The following ACOT12 variants were observed in gnomAD, a reference collection of about 807,000 sequenced individuals.
The protein encoded by ACOT12 is acetyl-coenzyme A thioesterase.
ACOT12 carries 51 observed loss-of-function variants against 67.7 expected under a neutral mutation model. The observed-to-expected ratio is 0.75, with a 90% CI of 0.60 to 0.95. ACOT12 has a LOEUF of 0.95. ACOT12 is among the 40% of genes least tolerant of loss of function. The pLI is 0.00. For synonymous variants in ACOT12, 251 were observed against 244.6 expected, an observed-to-expected ratio of 1.03 and a Z score of -0.24; for missense variants, 734 against 708.1, an observed-to-expected ratio of 1.04 and a Z score of -0.41.
chr5:81,341,909 C>T (rs530366306), intron 11 of ACOT12, among the ~76,000 whole-genome samples: 3 of 152,228 alleles, frequency 2.0e-5, no homozygotes, highest in Non-Finnish European at 4.4e-5. Context: ...AGTTAAATTT[C>T]CATGTAAGGC....
chr5:81,391,070 T>G (rs1263156005), intron 1 of ACOT12, among the ~76,000 whole-genome samples: 1 of 152,260 alleles, frequency 6.6e-6, no homozygotes, highest in Non-Finnish European at 1.5e-5. Flanking sequence ...ACCAAAACTA[T>G]AATCTGTCTA....
chr5:81,371,835 C>T (rs367862471), intron 2 of ACOT12, 25 bp from the exon 3 acceptor site: 349 of 1,605,550 alleles, frequency 2.2e-4, no homozygotes, highest in Non-Finnish European at 2.9e-4. Context: ...ACAAAAAAAC[C>T]TCAGTAGTTT....
downstream of ACOT12, among the ~76,000 whole-genome samples, chr5:81,326,076 G>T (rs1473338976): frequency 6.6e-6 from 1 of 151,310 alleles, no homozygotes; most frequent in Admixed American, 6.6e-5. Context: ...AAAAGTGCTG[G>T]GATTATAGGC....
intron 11 of ACOT12, among the ~76,000 whole-genome samples, chr5:81,337,059 G>T (rs1216982012): frequency 6.6e-6 from 1 of 152,168 alleles, no homozygotes. Flanking sequence ...GGCTCCAGGT[G>T]GCTGGTGAGA....
chr5:81,364,649 G>A (rs376522308), intron 3 of ACOT12, among the ~76,000 whole-genome samples: 5 of 152,036 alleles, frequency 3.3e-5, no homozygotes, highest in Admixed American at 1.3e-4. Context: ...GGATGGTCTC[G>A]ATCTCATGAC....
At chr5:81,351,650 A>G (rs529500195) in intron 5 of ACOT12, among the ~76,000 whole-genome samples, 1 of 152,332 alleles carries the variant, frequency 6.6e-6, no homozygotes, top group African/African-American at 2.4e-5. Context: ...CTATAAAACC[A>G]TTATAGGAAA....
intron 8 of ACOT12, among the ~76,000 whole-genome samples, chr5:81,344,481 C>T (rs1345005083): frequency 2.0e-5 from 3 of 152,210 alleles, no homozygotes; most frequent in Non-Finnish European, 4.4e-5. Context: ...CAGAATTATA[C>T]TTAATTCTCA....
chr5:81,332,582 A>C lies in ACOT12; in HGVS notation c.1286T>G (p.Val429Gly), dbSNP rs1758864569. 1.9e-6 allele frequency: 3 copies of C among 1,613,912 alleles called. No homozygotes were observed. The highest frequency in any genetic ancestry group is 3.3e-4 in the Middle Eastern group (2 of 6,084). The change falls in exon 13 of 15, where the codon GTG becomes GGG. Residue 429 changes from valine to glycine, a missense_variant. Physicochemically the swap from Val to Gly is moderately radical, Grantham distance 109 (BLOSUM62 -3). Coordinates refer to ENST00000307624, the MANE Select transcript of ACOT12 (RefSeq NM_130767.3). ...GTGATACAGCTGATCATCTTCACTC[A>C]CCCAGTCTATGACTTCACAGGACCT... Reference protein sequence around the residue: ...HFVSCEVIDWVSEDDQLYHIT... With the variant: ...HFVSCEVIDWGSEDDQLYHIT...
At position 81,359,917 on chromosome 5, in the gene ACOT12, C is replaced by T; in HGVS notation, c.482G>A (p.Ser161Asn). The change falls in exon 5 of 15, where the codon AGT becomes AAT. Residue 161 changes from serine to asparagine, a missense_variant. Physicochemically the swap from Ser to Asn is conservative, Grantham distance 46. Transcript: ENST00000307624. ...EDTFNNLMKE[S>N]SKFDDLIFDE... The stretch of plus-strand genomic sequence containing the variant: ...GATTTACTGACCATCAAATTTGCTA[C>T]TTTCCTTCATTAAATTGTTAAAGGT... 3.1e-6 allele frequency: 5 copies of T among 1,605,604 alleles called. No homozygotes were observed. The highest frequency in any genetic ancestry group is 4.2e-6 in the Non-Finnish European group (5 of 1,178,134).
At chr5:81,332,060 G>A (rs891681129) in intron 13 of ACOT12, among the ~76,000 whole-genome samples, 2 of 152,176 alleles carry the variant, frequency 1.3e-5, no homozygotes, top group East Asian at 3.8e-4. Context: ...CAATGTACAT[G>A]GAAAAACTAT....
chr5:81,379,238 C>T (rs1760506707), intron 2 of ACOT12, among the ~76,000 whole-genome samples: 1 of 151,202 alleles, frequency 6.6e-6, no homozygotes, highest in South Asian at 2.1e-4. Flanking sequence ...GAACAGAAAA[C>T]CAAACACCGC....
Position 81,343,885 on chromosome 5 carries a change from G to GA in ACOT12, c.981-5dup, listed in dbSNP as rs745476105. The GA allele has an allele frequency of 1.6e-4, 253 of 1,594,364 alleles. No homozygotes were observed. The highest frequency in any genetic ancestry group is 3.1e-4 in the Admixed American group (18 of 57,736). On this transcript the variant is annotated splice_region_variant and splice_polypyrimidine_tract_variant and intron_variant, in intron 9 of 14. Transcript: ENST00000307624. ...TTTGTGGGAAATAACATATTTTCTGGAAAAAAAAATTAAAGTGTTAAATGA... is the reference window on the plus strand; with the variant it reads ...TTTGTGGGAAATAACATATTTTCTGGAAAAAAAAAATTAAAGTGTTAAATGA...
At chr5:81,349,901 C>G (rs1331109199) in intron 5 of ACOT12, among the ~76,000 whole-genome samples, 1 of 152,142 alleles carries the variant, frequency 6.6e-6, no homozygotes, top group Non-Finnish European at 1.5e-5. Context: ...CCACTGGTCC[C>G]CATTTTTGCT....
At chr5:81,358,497 C>T (rs981955292) in intron 5 of ACOT12, among the ~76,000 whole-genome samples, 15 of 152,184 alleles carry the variant, frequency 9.9e-5, no homozygotes, top group African/African-American at 2.2e-4. Context: ...GCTTTATAAA[C>T]GGAGACTTGC....
chr5:81,343,166 G>A (rs1176552739), intron 10 of ACOT12, among the ~76,000 whole-genome samples: 2 of 150,568 alleles, frequency 1.3e-5, no homozygotes, highest in South Asian at 2.1e-4. Flanking sequence ...CAGCCTGGGC[G>A]ACAGAGTGAG....
At chr5:81,352,927 G>A (rs1001177200) in intron 5 of ACOT12, among the ~76,000 whole-genome samples, 1 of 152,014 alleles carries the variant, frequency 6.6e-6, no homozygotes, top group Non-Finnish European at 1.5e-5. Flanking sequence ...GAAGTGAGAC[G>A]GTAGGCAGAC....
At chr5:81,315,964 A>T in the ACOT12 span, among the ~76,000 whole-genome samples, 1,013 of 152,306 alleles carry the variant, frequency 6.7e-3, 9 homozygotes, top group Non-Finnish European at 9.1e-3. Context: ...GCTAGAATAT[A>T]ATCTCCACGG....
chr5:81,344,979 C>CGCGCTCG lies in ACOT12; in HGVS notation c.835_836insCGAGCGC (p.Arg279ProfsTer16), dbSNP rs1561328093. On this transcript the variant is annotated frameshift_variant, in exon 8 of 15. Transcript: ENST00000307624. LOFTEE classifies it high-confidence loss of function. ...AATGAGAAAAGCACTGTTGATGTGA[C>CGCGCTCG]GCCCTCGGCCCTCGGCCCATTCCTG... is the stretch of plus-strand genomic sequence containing the variant. 6.8e-6 allele frequency: 11 copies of CGCGCTCG among 1,614,152 alleles called. No individual in the cohort carries two copies. Among genetic ancestry groups the CGCGCTCG allele is most frequent in the Non-Finnish European group, 9.3e-6 (11 of 1,180,014 alleles).
chr5:81,325,109 G>A (rs1476602286), downstream of ACOT12, among the ~76,000 whole-genome samples: 1 of 152,182 alleles, frequency 6.6e-6, no homozygotes, highest in Non-Finnish European at 1.5e-5. Flanking sequence ...GAGAGAAAGT[G>A]TTCTCTGCTA....
Sources: gnomAD v4.1 joint callset for allele counts (sites outside exome capture counted in the v4.1 genomes callset) on GRCh38, gnomAD v4.1.1 for gene constraint, MANE v1.5 for transcripts, NCBI Gene and HGNC (gene_info 2026-07-23, HGNC 2026-07-21) for gene names.